TMEM135: variants seen among roughly 807,000 people sequenced by gnomAD.
TMEM135 encodes the protein transmembrane protein 135, also known as peroxisomal membrane protein 52.
TMEM135 carries 30 observed loss-of-function variants against 60.3 expected under a neutral mutation model. The observed-to-expected ratio is 0.50, with a 90% CI of 0.37 to 0.68. TMEM135 has a LOEUF of 0.68. Among genes scored for constraint, TMEM135 ranks in the 30% least tolerant of loss-of-function variants. The pLI is 0.00. For missense variants in TMEM135, 468 were observed against 548.8 expected (o/e 0.85, Z 1.47); for synonymous variants, 190 against 186.7 (o/e 1.02, Z -0.14).
In TMEM135 at chr11:87,247,906, G is replaced by A. The variant is rs1033022635; in HGVS notation, c.509+11222G>A. On this transcript the variant is annotated intron_variant, in intron 6 of 14. Transcript: ENST00000305494. The stretch of plus-strand genomic sequence containing the variant: ...TGGCACTCCCTAGTGAGATAAACCC[G>A]GTACCTCAGATGGAAATGCAGAAAT... Among the ~76,000 whole-genome samples the A allele has an allele frequency of 3.9e-5, 6 of 151,948 alleles. No individual in the cohort carries two copies. In the South Asian group the frequency reaches 6.2e-4, roughly 16 times the overall value.
At chr11:87,247,259 C>T (rs1021907981) in intron 6 of TMEM135, among the ~76,000 whole-genome samples, 4 of 152,166 alleles carry the variant, frequency 2.6e-5, no homozygotes, top group African/African-American at 9.7e-5. Context: ...TCGGTCTGCC[C>T]CTACTGGGGG....
At chr11:87,222,181 C>CAAAAAAAAAAAAA (rs386374401) in intron 5 of TMEM135, among the ~76,000 whole-genome samples, 1 of 55,482 alleles carries the variant, frequency 1.8e-5, no homozygotes, top group Admixed American at 2.7e-4. Context: ...GACTCTGTCT[C>CAAAAAAAAAAAAA]AAAAAAAAAA....
chr11:87,246,584 T>C (rs10160809), intron 6 of TMEM135, among the ~76,000 whole-genome samples: 99,299 of 150,882 alleles, frequency 0.66, 33,305 homozygotes, highest in Non-Finnish European at 0.71. Context: ...CTTCCCTTCT[T>C]GCTTCATTTC....
At chr11:87,077,138 C>T (rs959425225) in intron 3 of TMEM135, among the ~76,000 whole-genome samples, 2 of 152,206 alleles carry the variant, frequency 1.3e-5, no homozygotes, top group Non-Finnish European at 2.9e-5. Context: ...GTAGTTGCAC[C>T]ATTTTCATCA....
At chr11:87,198,693 C>T (rs543781458) in intron 5 of TMEM135, among the ~76,000 whole-genome samples, 6 of 151,562 alleles carry the variant, frequency 4.0e-5, no homozygotes, top group African/African-American at 1.5e-4. Flanking sequence ...CAATTTCTTC[C>T]CTCCCTCTCT....
chr11:87,325,875 T>C lies in TMEM135; in HGVS notation c.*4542T>C, dbSNP rs1455278591. ...GACTCTGGAATTTCCTATTTTCTTT[T>C]ACTTTCTCCATTTTTTTTCCATCTG... is the stretch of plus-strand genomic sequence containing the variant. On this transcript the variant is annotated 3_prime_UTR_variant, in exon 15 of 15. Coordinates refer to ENST00000305494, the MANE Select transcript of TMEM135 (RefSeq NM_022918.4). The C allele has an allele frequency of 2.2e-6, 1 of 454,038 alleles. No homozygotes were observed. 28.1% of individuals were successfully genotyped at this position (454,038 alleles called of 1,614,324 possible). A position where few individuals can be genotyped will look rare whatever the true frequency, so the allele number is the denominator to read the frequency against.
intron 2 of TMEM135, among the ~76,000 whole-genome samples, chr11:87,070,736 T>A (rs1414973435): frequency 1.3e-5 from 2 of 152,180 alleles, no homozygotes; most frequent in Admixed American, 1.3e-4. Context: ...GGATTCCTAC[T>A]TTCAAGGAAT....
intron 5 of TMEM135, among the ~76,000 whole-genome samples, chr11:87,191,989 T>TTTCTTTTC (rs202195363): frequency 1.5e-5 from 2 of 131,486 alleles, no homozygotes; most frequent in Non-Finnish European, 3.3e-5. Context: ...TTTCTTTTCT[T>TTTCTTTTC]TTTTTTTTTT....
At chr11:87,099,982 T>C (rs940752717) in intron 4 of TMEM135, among the ~76,000 whole-genome samples, 7 of 152,054 alleles carry the variant, frequency 4.6e-5, no homozygotes, top group African/African-American at 1.7e-4. Context: ...AGTTTAGTTT[T>C]TAAAGAAACT....
intron 5 of TMEM135, among the ~76,000 whole-genome samples, chr11:87,201,328 A>G (rs1039393561): frequency 6.6e-6 from 1 of 152,198 alleles, no homozygotes; most frequent in Non-Finnish European, 1.5e-5. Flanking sequence ...TACATCCTTC[A>G]TGTTCCATTT....
intron 6 of TMEM135, 65 bp downstream of exon 6, chr11:87,236,749 C>G: frequency 1.4e-6 from 2 of 1,463,904 alleles, no homozygotes; most frequent in East Asian, 4.5e-5. Context: ...TTTCATCAAC[C>G]ACGAAACTAA....
chr11:87,303,377 C>G (rs1428639179), intron 8 of TMEM135, among the ~76,000 whole-genome samples: 3 of 152,176 alleles, frequency 2.0e-5, no homozygotes, highest in African/African-American at 7.2e-5. Context: ...TGGAAAAATT[C>G]TCTTCCGTGA....
chr11:87,260,475 A>G (rs1211016718), intron 6 of TMEM135, among the ~76,000 whole-genome samples: 2 of 152,296 alleles, frequency 1.3e-5, no homozygotes, highest in East Asian at 3.9e-4. Context: ...AATTACTTGA[A>G]TGCTAAGAAG....
At chr11:87,275,816 C>G (rs776504649) in intron 6 of TMEM135, among the ~76,000 whole-genome samples, 2 of 152,080 alleles carry the variant, frequency 1.3e-5, no homozygotes, top group Non-Finnish European at 2.9e-5. Context: ...CCCACCACCA[C>G]GCCCAGCTAA....
At chr11:87,130,962 CCTT>C (rs1330643269) in intron 4 of TMEM135, among the ~76,000 whole-genome samples, 1 of 150,320 alleles carries the variant, frequency 6.7e-6, no homozygotes, top group Non-Finnish European at 1.5e-5. Context: ...TGGGATGTGA[CCTT>C]CTGGTTTCTT....
At chr11:87,074,441 G>A (rs2135145755) in intron 3 of TMEM135, among the ~76,000 whole-genome samples, 1 of 152,106 alleles carries the variant, frequency 6.6e-6, no homozygotes, top group Non-Finnish European at 1.5e-5. Context: ...GTGTATATTG[G>A]TTTTGAAAAG....
At chr11:87,195,326 CTT>C in intron 5 of TMEM135, among the ~76,000 whole-genome samples, 1 of 30,212 alleles carries the variant, frequency 3.3e-5, no homozygotes, top group Non-Finnish European at 7.8e-5. Context: ...TCCTTCCTTC[CTT>C]CCTTCCTTCC....
intron 1 of TMEM135, among the ~76,000 whole-genome samples, chr11:87,040,316 C>T (rs1417706392): frequency 1.3e-5 from 2 of 151,934 alleles, no homozygotes; most frequent in African/African-American, 4.8e-5. Flanking sequence ...AAATGTATAC[C>T]CCCATGTACT....
chr11:87,182,018 A>G (rs1033541981), intron 5 of TMEM135, among the ~76,000 whole-genome samples: 2 of 151,520 alleles, frequency 1.3e-5, no homozygotes, highest in South Asian at 2.1e-4. Context: ...AAGCCTTAAT[A>G]TTCTTATTAA....
Sources: gnomAD v4.1 joint callset for allele counts (sites outside exome capture counted in the v4.1 genomes callset) on GRCh38, gnomAD v4.1.1 for gene constraint, MANE v1.5 for transcripts, NCBI Gene and HGNC (gene_info 2026-07-23, HGNC 2026-07-21) for gene names.